The following BLM variants were observed in gnomAD, a reference collection of about 807,000 sequenced individuals.
BLM encodes BLM RecQ like helicase, also known as recQ-like DNA helicase BLM.
Under a neutral mutation model 135.3 loss-of-function variants are expected in BLM, and 95 were observed. That is an observed-to-expected ratio of 0.70 (90% CI 0.59 to 0.83). BLM has a LOEUF of 0.83. Among genes scored for constraint, BLM ranks in the 40% least tolerant of loss-of-function variants. The probability of loss-of-function intolerance (pLI) is 0.00; values close to 1 mark genes in which losing one functional copy is unlikely to be tolerated. For synonymous variants in BLM, 520 were observed against 589.2 expected (o/e 0.88, Z 1.70); for missense variants, 1,518 against 1,663.9 (o/e 0.91, Z 1.53).
At position 90,774,934 on chromosome 15, in the gene BLM, C is replaced by T. The variant is rs114194216; in HGVS notation, c.2555+5348C>T. 1.2e-3 allele frequency among the ~76,000 whole-genome samples: 173 copies of T among 150,028 alleles called. 1 individual carries two copies. Among genetic ancestry groups the T allele is most frequent in the African/African-American group, 4.2e-3 (165 of 39,660 alleles). On this transcript the variant is annotated intron_variant, in intron 12 of 21. Transcript: ENST00000355112. Reference sequence around the variant, plus strand: ...TGACGCCAGATCATGGAGGATCTTGCATATAACGATGGTAAAATGTTTGGA... The same window carrying T: ...TGACGCCAGATCATGGAGGATCTTGTATATAACGATGGTAAAATGTTTGGA...
At chr15:90,758,286 C>T (rs964862371) in intron 5 of BLM, among the ~76,000 whole-genome samples, 1 of 151,990 alleles carries the variant, frequency 6.6e-6, no homozygotes, top group Non-Finnish European at 1.5e-5. Context: ...TTTAGGAGTT[C>T]GAGTCCAGCC....
intron 1 of BLM, among the ~76,000 whole-genome samples, chr15:90,724,154 A>G (rs1194274645): frequency 6.6e-6 from 1 of 152,048 alleles, no homozygotes; most frequent in African/African-American, 2.4e-5. Flanking sequence ...GTGAGACTAC[A>G]GGAGTGTACC....
intron 2 of BLM, among the ~76,000 whole-genome samples, chr15:90,748,116 T>C (rs1156535221): frequency 1.3e-5 from 2 of 149,932 alleles, no homozygotes; most frequent in Non-Finnish European, 3.0e-5. Flanking sequence ...TTTTTTTTTT[T>C]TTCTTTTTTG....
intron 12 of BLM, among the ~76,000 whole-genome samples, chr15:90,773,752 C>A (rs1244198352): frequency 1.3e-5 from 2 of 152,112 alleles, no homozygotes; most frequent in Non-Finnish European, 2.9e-5. Flanking sequence ...TTGTGACTGA[C>A]TTCTTTCACT....
intron 14 of BLM, among the ~76,000 whole-genome samples, chr15:90,788,471 GT>G (rs35158343): frequency 0.29 from 28,034 of 96,468 alleles, 1,948 homozygotes; most frequent in Middle Eastern, 0.39. Flanking sequence ...CCAGTGTTTT[GT>G]TTTTTTTTTT....
intron 14 of BLM, among the ~76,000 whole-genome samples, chr15:90,787,434 CTAA>C (rs768330326): frequency 8.5e-5 from 13 of 152,088 alleles, no homozygotes; most frequent in Non-Finnish European, 1.8e-4. Context: ...AGCAAAACAA[CTAA>C]TAATTACTTG....
intron 1 of BLM, among the ~76,000 whole-genome samples, chr15:90,721,975 T>C (rs1894778375): frequency 6.6e-6 from 1 of 151,350 alleles, no homozygotes; most frequent in African/African-American, 2.4e-5. Context: ...GATACATTTG[T>C]AAAAATATAC....
intron 10 of BLM, 53 bp downstream of exon 10, chr15:90,767,076 A>C (rs570818735): frequency 6.8e-4 from 805 of 1,188,544 alleles, no homozygotes; most frequent in Non-Finnish European, 8.5e-4. Context: ...TAGAATACAT[A>C]TATTTTTAAG....
Position 90,761,222 on chromosome 15 carries a change from A to T in BLM, c.1849A>T (p.Ile617Leu), listed in dbSNP as rs1219301379. 1 of 1,535,228 alleles carries T rather than the reference A, an allele frequency of 6.5e-7. No homozygotes were observed. The highest frequency in any genetic ancestry group is 1.4e-5 in the African/African-American group (1 of 72,030). ...CLPVSSTAQN[I>L]NFSESIQNYT... ...TCCAGTGTCATCTACTGCTCAAAAT[A>T]TAAACTTCTCAGAGTCAATTCAGAA... Residue 617 changes from isoleucine (I) to leucine (L), a missense_variant, in exon 7 of 22, where the codon ATA becomes TTA. By Grantham distance (5) the Ile-to-Leu change is conservative. Around this residue, in one of 5 missense-constraint regions of BLM, gnomAD observed 724 missense variants for 756.9 expected, o/e 0.96. Transcript: ENST00000355112.
intron 1 of BLM, among the ~76,000 whole-genome samples, chr15:90,739,507 T>C (rs900689905): frequency 2.0e-5 from 3 of 152,144 alleles, no homozygotes; most frequent in Non-Finnish European, 4.4e-5. Flanking sequence ...GCTCAGGAGA[T>C]TGAGGCTGCA....
chr15:90,771,562 T>C (rs1341484019), intron 12 of BLM, among the ~76,000 whole-genome samples: 1 of 151,188 alleles, frequency 6.6e-6, no homozygotes, highest in Non-Finnish European at 1.5e-5. Context: ...TATTTGCAAG[T>C]AAGTACTTCT....
At chr15:90,781,540 T>C (rs1896616686) in intron 12 of BLM, among the ~76,000 whole-genome samples, 1 of 152,076 alleles carries the variant, frequency 6.6e-6, no homozygotes, top group African/African-American at 2.4e-5. Flanking sequence ...GCAGGAGAAT[T>C]GCTTGAACCC....
intron 8 of BLM, 88 bp downstream of exon 8, chr15:90,763,245 C>G: frequency 1.5e-6 from 2 of 1,376,336 alleles, no homozygotes; most frequent in Non-Finnish European, 2.1e-6. Context: ...ACCACCTACA[C>G]AGTATTTCTA....
At chr15:90,808,376 G>GC (rs1667002811) in intron 19 of BLM, among the ~76,000 whole-genome samples, 1 of 152,210 alleles carries the variant, frequency 6.6e-6, no homozygotes. Context: ...CAGAGCCAGT[G>GC]CATCAGTCAG....
chr15:90,786,195 C>T (rs973786242), intron 14 of BLM, among the ~76,000 whole-genome samples: 3 of 151,628 alleles, frequency 2.0e-5, no homozygotes, highest in African/African-American at 7.3e-5. Flanking sequence ...CCTGTGTTGC[C>T]CAGCCTGGTC....
intron 12 of BLM, among the ~76,000 whole-genome samples, chr15:90,771,327 A>G (rs1260814991): frequency 6.6e-6 from 1 of 152,126 alleles, no homozygotes; most frequent in Non-Finnish European, 1.5e-5. Flanking sequence ...TCTCTACTAA[A>G]AATACAAAAA....
chr15:90,719,956 T>C (rs1274985345), intron 1 of BLM, among the ~76,000 whole-genome samples: 1 of 152,212 alleles, frequency 6.6e-6, no homozygotes, highest in Admixed American at 6.6e-5. Flanking sequence ...CCTCAGCCTT[T>C]GTACCACTAG....
chr15:90,721,571 C>T (rs985788202), intron 1 of BLM, among the ~76,000 whole-genome samples: 1 of 152,042 alleles, frequency 6.6e-6, no homozygotes, highest in Non-Finnish European at 1.5e-5. Flanking sequence ...GATCTACCCA[C>T]TTTGGCTTCC....
intron 12 of BLM, among the ~76,000 whole-genome samples, chr15:90,781,158 A>G (rs1896607979): frequency 6.6e-6 from 1 of 152,212 alleles, no homozygotes; most frequent in African/African-American, 2.4e-5. Flanking sequence ...TCTGTCTCAG[A>G]GTCAGCCACA....
Sources: gnomAD v4.1 joint callset for allele counts (sites outside exome capture counted in the v4.1 genomes callset) on GRCh38, gnomAD v4.1.1 for gene constraint, gnomAD v4.1.1 regional missense constraint, MANE v1.5 for transcripts, NCBI Gene and HGNC (gene_info 2026-07-23, HGNC 2026-07-21) for gene names.